Variants in KDM4C observed in about 807,000 individuals in gnomAD.
KDM4C encodes the protein lysine-specific demethylase 4C.
A neutral mutation model predicts 129.3 loss-of-function variants in KDM4C; 81 were observed. The observed-to-expected ratio is 0.63, with a 90% CI of 0.52 to 0.75. KDM4C has a LOEUF of 0.75. Among genes scored for constraint, KDM4C ranks in the 30% least tolerant of loss-of-function variants. The probability of loss-of-function intolerance (pLI) is 0.00; values close to 1 mark genes in which losing one functional copy is unlikely to be tolerated. For missense variants in KDM4C, 1,457 were observed against 1,304.0 expected (o/e 1.12, Z -1.81); for synonymous variants, 573 against 456.1 (o/e 1.26, Z -3.26).
At chr9:6,754,474 A>G (rs1013304590), upstream of KDM4C, among the ~76,000 whole-genome samples, 2 of 152,118 alleles carry the variant, frequency 1.3e-5, no homozygotes, top group Admixed American at 6.6e-5. Context: ...TGGCCTCCCA[A>G]TGTGCTGAGA....
chr9:6,973,465 C>T (rs892619779), intron 8 of KDM4C, among the ~76,000 whole-genome samples: 1 of 152,182 alleles, frequency 6.6e-6, no homozygotes, highest in Admixed American at 6.5e-5. Flanking sequence ...TTTCACGTGG[C>T]AGGAGACATG....
intron 4 of KDM4C, chr9:6,835,663 T>A: frequency 1.3e-6 from 1 of 742,636 alleles, no homozygotes; most frequent in African/African-American, 1.7e-5. Context: ...ATGGCTTTAT[T>A]TTTTGTTTTG....
intron 1 of KDM4C, among the ~76,000 whole-genome samples, chr9:6,730,969 A>G (rs1409585361): frequency 1.3e-5 from 2 of 152,216 alleles, no homozygotes; most frequent in African/African-American, 4.8e-5. Context: ...CAGCTTGACC[A>G]AAAGGACTCA....
intron 15 of KDM4C, among the ~76,000 whole-genome samples, chr9:7,016,290 G>T (rs1823663648): frequency 6.6e-6 from 1 of 151,928 alleles, no homozygotes; most frequent in Non-Finnish European, 1.5e-5. Context: ...ACCACGCCTG[G>T]CTAATTTTTT....
intron 15 of KDM4C, among the ~76,000 whole-genome samples, chr9:7,043,650 G>T (rs1286131443): frequency 6.6e-6 from 1 of 151,684 alleles, no homozygotes; most frequent in Non-Finnish European, 1.5e-5. Context: ...TCAAACAAAT[G>T]ATGTAACTTG....
At chr9:6,811,629 C>G (rs568691374) in intron 3 of KDM4C, among the ~76,000 whole-genome samples, 68 of 152,252 alleles carry the variant, frequency 4.5e-4, no homozygotes, top group South Asian at 3.1e-3. Flanking sequence ...CTGATGTGTA[C>G]TTTCCTCTAG....
chr9:6,972,051 A>C (rs1046222942), intron 8 of KDM4C, among the ~76,000 whole-genome samples: 18 of 152,194 alleles, frequency 1.2e-4, no homozygotes, highest in African/African-American at 4.3e-4. Context: ...GAACTAAAAA[A>C]ATACACAAAA....
intron 1 of KDM4C, among the ~76,000 whole-genome samples, chr9:6,744,867 A>G (rs7033740): frequency 0.4 from 60,218 of 150,510 alleles, 12,958 homozygotes; most frequent in African/African-American, 0.56. Flanking sequence ...GGGTGGGGAG[A>G]GCAGGGGATA....
rs538422344 is a variant in KDM4C at position 7,001,434 on chromosome 9, G to C, written c.1787-10264G>C. ...ATGGATCTGGGTTAAGAATCTTCTTGGGGACCCCCAGGAGAAGATTGAATC... is the reference window on the plus strand; with the variant it reads ...ATGGATCTGGGTTAAGAATCTTCTTCGGGACCCCCAGGAGAAGATTGAATC... On this transcript the variant is annotated intron_variant, in intron 12 of 21. Coordinates refer to ENST00000381309, the MANE Select transcript of KDM4C (RefSeq NM_015061.6). Among the ~76,000 whole-genome samples, 4 of 152,290 alleles carry C rather than the reference G, an allele frequency of 2.6e-5. No individual in the cohort carries two copies. In the South Asian group the frequency reaches 6.2e-4, roughly 24 times the overall value.
chr9:6,787,723 C>G (rs1364463887), intron 1 of KDM4C, among the ~76,000 whole-genome samples: 1 of 152,236 alleles, frequency 6.6e-6, no homozygotes, highest in Non-Finnish European at 1.5e-5. Context: ...CTCCCTGCTT[C>G]CAGCCTTGTC....
In KDM4C at chr9:7,046,877, A is replaced by G; in HGVS notation, c.2275A>G (p.Asn759Asp). The G allele has an allele frequency of 6.2e-7, 1 of 1,607,806 alleles. No homozygotes were observed. The change falls in exon 16 of 22, where the codon AAT becomes GAT. Residue 759 changes from asparagine (N) to aspartate (D), a missense_variant. Physicochemically the swap from Asn to Asp is conservative, Grantham distance 23. Coordinates refer to ENST00000381309, the MANE Select transcript of KDM4C (RefSeq NM_015061.6). ...NAWTAECCLC[N>D]LRGGALKQTK... is the part of the protein sequence containing the mutation. The stretch of plus-strand genomic sequence containing the variant: ...TTCCCCCCAGGAATGCTGTCTCTGC[A>G]ATTTGAGAGGAGGTGCTCTTAAGCA...
At chr9:7,137,613 G>C (rs1841345071) in intron 19 of KDM4C, among the ~76,000 whole-genome samples, 1 of 152,230 alleles carries the variant, frequency 6.6e-6, no homozygotes, top group African/African-American at 2.4e-5. Flanking sequence ...AGAAATGTCT[G>C]AAATTTTCCA....
At chr9:6,942,832 C>T (rs1168578237) in intron 8 of KDM4C, among the ~76,000 whole-genome samples, 2 of 152,124 alleles carry the variant, frequency 1.3e-5, no homozygotes, top group East Asian at 1.9e-4. Flanking sequence ...AAAGGATAGT[C>T]TTAAATGCTG....
At chr9:6,875,932 A>G (rs151278609) in intron 5 of KDM4C, among the ~76,000 whole-genome samples, 278 of 152,320 alleles carry the variant, frequency 1.8e-3, no homozygotes, top group African/African-American at 6.4e-3. Flanking sequence ...ACAGTAACCC[A>G]AATGACTCAA....
intron 15 of KDM4C, among the ~76,000 whole-genome samples, chr9:7,018,990 AC>A (rs1186209854): frequency 6.6e-6 from 1 of 152,190 alleles, no homozygotes; most frequent in Non-Finnish European, 1.5e-5. Context: ...ATTTATTTCT[AC>A]CTGTAAGTGA....
Position 7,049,120 on chromosome 9 carries a change from G to A in KDM4C, c.2344G>A (p.Val782Ile). 6.2e-7 allele frequency: 1 copy of A among 1,612,468 alleles called. No individual in the cohort carries two copies. Among genetic ancestry groups the A allele is most frequent in the Non-Finnish European group, 8.5e-7 (1 of 1,178,828 alleles). Residue 782 changes from valine (V) to isoleucine (I), a missense_variant, in exon 17 of 22, where the codon GTC becomes ATC. By Grantham distance (29) the Val-to-Ile change is conservative. Transcript: ENST00000381309. Reference protein sequence around the residue: ...KWAHVMCAVAVPEVRFTNVPE... With the variant: ...KWAHVMCAVAIPEVRFTNVPE... ...GGCCCATGTCATGTGCGCCGTTGCG[G>A]TCCCAGAAGTTCGATTCACTAATGT... is the stretch of plus-strand genomic sequence containing the variant.
In KDM4C at chr9:6,956,719, G is replaced by A. The variant is rs58154653; in HGVS notation, c.922-24206G>A. Among the ~76,000 whole-genome samples, 386 of 152,308 alleles carry A rather than the reference G, an allele frequency of 2.5e-3. 1 individual carries two copies. The highest frequency in any genetic ancestry group is 8.8e-3 in the African/African-American group (366 of 41,572). On this transcript the variant is annotated intron_variant, in intron 8 of 21. Transcript: ENST00000381309. Reference sequence around the variant, plus strand: ...AAGATATCACCAATCCCTTCTTTATGAGGTCTGACCAGGCCCAGGGACCTC... The same window carrying A: ...AAGATATCACCAATCCCTTCTTTATAAGGTCTGACCAGGCCCAGGGACCTC...
chr9:6,912,315 C>A (rs906441837), intron 8 of KDM4C, among the ~76,000 whole-genome samples: 1 of 152,126 alleles, frequency 6.6e-6, no homozygotes, highest in Non-Finnish European at 1.5e-5. Flanking sequence ...CAGTCAGGAC[C>A]CTTAACCTCT....
intron 8 of KDM4C, among the ~76,000 whole-genome samples, chr9:6,952,664 C>G (rs1023476598): frequency 6.6e-6 from 1 of 152,082 alleles, no homozygotes; most frequent in African/African-American, 2.4e-5. Context: ...TGATCTCAAA[C>G]TCCTGACCTC....
Sources: allele counts gnomAD v4.1 joint callset (sites outside exome capture counted in the v4.1 genomes callset), GRCh38; gene constraint gnomAD v4.1.1; transcripts MANE v1.5; gene names NCBI Gene and HGNC (gene_info 2026-07-23, HGNC 2026-07-21).